CCSER1: variants seen among roughly 807,000 people sequenced by gnomAD.
CCSER1 encodes the protein coiled-coil serine rich protein 1, also known as serine-rich coiled-coil domain-containing protein 1.
In CCSER1, 41 loss-of-function variants were observed where a neutral mutation model predicts 82.0. The ratio of observed to expected loss-of-function variants is 0.50; its 90% confidence interval spans 0.39 to 0.65. The LOEUF (loss-of-function observed/expected upper bound fraction) is 0.65, where lower values mean the gene tolerates loss of function less well. Ranked by LOEUF, CCSER1 falls within the 30% of genes least tolerant of loss-of-function variation. The pLI, the probability that CCSER1 is intolerant of heterozygous loss-of-function variation, is 0.00. For missense variants in CCSER1, 1,119 were observed against 1,064.2 expected, an observed-to-expected ratio of 1.05 and a Z score of -0.72; for synonymous variants, 414 against 383.9, an observed-to-expected ratio of 1.08 and a Z score of -0.92.
Position 90,317,381 on chromosome 4 carries a change from G to A in CCSER1, c.1509+4334G>A, listed in dbSNP as rs537847918. ...AGTCCCAGCACTTTGGGAGGCTGAGGCAGGCAGATCACTTGAGGTCAGGAG... is the reference window on the plus strand; with the variant it reads ...AGTCCCAGCACTTTGGGAGGCTGAGACAGGCAGATCACTTGAGGTCAGGAG... On this transcript the variant is annotated intron_variant, in intron 3 of 10. Transcript: ENST00000509176. Among the ~76,000 whole-genome samples the A allele has an allele frequency of 3.3e-5, 5 of 152,276 alleles. No individual in the cohort carries two copies. In the South Asian group the frequency reaches 1.0e-3, roughly 32 times the overall value.
intron 4 of CCSER1, among the ~76,000 whole-genome samples, chr4:90,458,911 G>A (rs1762520837): frequency 6.6e-6 from 1 of 152,100 alleles, no homozygotes; most frequent in Admixed American, 6.5e-5. Context: ...TCTAACTGGT[G>A]GCTGTGCAAT....
At chr4:90,444,453 A>G (rs1560526895) in intron 4 of CCSER1, among the ~76,000 whole-genome samples, 2 of 152,018 alleles carry the variant, frequency 1.3e-5, no homozygotes, top group Non-Finnish European at 2.9e-5. Flanking sequence ...TTTCATAACT[A>G]TTTATAGTTG....
intron 10 of CCSER1, among the ~76,000 whole-genome samples, chr4:91,236,894 A>C (rs1739051396): frequency 6.6e-6 from 1 of 152,218 alleles, no homozygotes; most frequent in Non-Finnish European, 1.5e-5. Context: ...TGAATACTCC[A>C]GATAATCAGC....
At chr4:91,115,854 TA>T (rs1483222686) in intron 10 of CCSER1, among the ~76,000 whole-genome samples, 11 of 140,248 alleles carry the variant, frequency 7.8e-5, no homozygotes, top group African/African-American at 2.9e-4. Flanking sequence ...TATATATATA[TA>T]TATATTTTTT....
intron 7 of CCSER1, chr4:90,781,003 C>A: frequency 5.4e-6 from 1 of 184,214 alleles, no homozygotes; most frequent in Non-Finnish European, 1.0e-5. Context: ...CAAAGGGAAG[C>A]AGGCACATTG....
intron 1 of CCSER1, among the ~76,000 whole-genome samples, chr4:90,131,668 G>A (rs183845173): frequency 2.6e-5 from 4 of 152,136 alleles, no homozygotes; most frequent in Admixed American, 6.5e-5. Flanking sequence ...TAAAGTTATT[G>A]TATGCAGCCA....
chr4:91,241,792 A>G (rs1037517374), intron 10 of CCSER1, among the ~76,000 whole-genome samples: 4 of 152,184 alleles, frequency 2.6e-5, no homozygotes, highest in African/African-American at 9.7e-5. Context: ...CAAATTAACT[A>G]AAGTATTATA....
At chr4:90,765,449 G>A (rs565486297) in intron 7 of CCSER1, among the ~76,000 whole-genome samples, 9 of 151,996 alleles carry the variant, frequency 5.9e-5, no homozygotes, top group Non-Finnish European at 1.2e-4. Context: ...TGATAAACAG[G>A]TATTTTACCC....
chr4:90,972,569 A>C (rs1393878315), intron 9 of CCSER1, among the ~76,000 whole-genome samples: 3 of 151,838 alleles, frequency 2.0e-5, no homozygotes, highest in African/African-American at 7.3e-5. Context: ...GATTGGAAAA[A>C]ATAATATTCT....
At chr4:90,791,799 G>A (rs960720232) in intron 7 of CCSER1, among the ~76,000 whole-genome samples, 17 of 148,102 alleles carry the variant, frequency 1.1e-4, no homozygotes, top group African/African-American at 4.0e-4. Flanking sequence ...TGCAGCCTGG[G>A]CTACACAGCG....
chr4:91,552,596 G>A (rs1293980253), intron 10 of CCSER1, among the ~76,000 whole-genome samples: 1 of 151,604 alleles, frequency 6.6e-6, no homozygotes, highest in Non-Finnish European at 1.5e-5. Flanking sequence ...AGGAACTACA[G>A]TAGTTCATTT....
chr4:90,334,738 C>T (rs1451328686), intron 3 of CCSER1, among the ~76,000 whole-genome samples: 5 of 152,066 alleles, frequency 3.3e-5, no homozygotes, highest in African/African-American at 7.2e-5. Context: ...GCAATAATGA[C>T]GTTCCTAAGA....
intron 10 of CCSER1, among the ~76,000 whole-genome samples, chr4:91,576,078 A>G (rs1241182413): frequency 6.6e-6 from 1 of 152,066 alleles, no homozygotes. Flanking sequence ...ATTATTCACA[A>G]TAGACAAGAT....
chr4:90,671,162 CTGA>C (rs1732726028), intron 6 of CCSER1, among the ~76,000 whole-genome samples: 1 of 151,962 alleles, frequency 6.6e-6, no homozygotes, highest in Non-Finnish European at 1.5e-5. Flanking sequence ...TTGATGGCTG[CTGA>C]TAAGGGTGAT....
intron 10 of CCSER1, among the ~76,000 whole-genome samples, chr4:91,322,054 G>A (rs1010909336): frequency 1.1e-4 from 16 of 151,886 alleles, no homozygotes; most frequent in African/African-American, 3.4e-4. Context: ...AATGAATATC[G>A]GATGAATGAA....
chr4:91,367,127 C>T (rs1412301623), intron 10 of CCSER1, among the ~76,000 whole-genome samples: 1 of 110,796 alleles, frequency 9.0e-6, no homozygotes, highest in African/African-American at 3.8e-5. Context: ...AACACCATCT[C>T]TCCAAAAAAA....
intron 9 of CCSER1, among the ~76,000 whole-genome samples, chr4:91,033,263 G>A (rs1046942337): frequency 1.4e-4 from 21 of 152,260 alleles, no homozygotes; most frequent in African/African-American, 4.8e-4. Context: ...CACCCAGCGG[G>A]CACAGTGTAA....
At chr4:91,572,518 G>A (rs922029102) in intron 10 of CCSER1, among the ~76,000 whole-genome samples, 8 of 152,232 alleles carry the variant, frequency 5.3e-5, no homozygotes, top group East Asian at 1.9e-4. Flanking sequence ...TCAGGCAAAC[G>A]GCAAAGACGG....
chr4:90,468,485 C>T (rs1763924913), intron 5 of CCSER1, 131 bp downstream of exon 5: 1 of 750,972 alleles, frequency 1.3e-6, no homozygotes, highest in Admixed American at 3.2e-5. Context: ...GTTAAAAAAT[C>T]ATCTATTCTA....
Sources: allele counts gnomAD v4.1 joint callset (sites outside exome capture counted in the v4.1 genomes callset), GRCh38; gene constraint gnomAD v4.1.1; transcripts MANE v1.5; gene names NCBI Gene and HGNC (gene_info 2026-07-23, HGNC 2026-07-21).